The following PTPDC1 variants were observed in gnomAD, a reference collection of about 807,000 sequenced individuals.
PTPDC1 encodes protein tyrosine phosphatase domain-containing protein 1.
A neutral mutation model predicts 75.3 loss-of-function variants in PTPDC1; 53 were observed. The observed-to-expected ratio is 0.70, with a 90% CI of 0.56 to 0.88. The LOEUF is 0.88. Among genes scored for constraint, PTPDC1 ranks in the 40% least tolerant of loss-of-function variants. The pLI, the probability that PTPDC1 is intolerant of heterozygous loss-of-function variation, is 0.00. For missense variants in PTPDC1, 925 were observed against 998.6 expected (o/e 0.93, Z 0.99); for synonymous variants, 349 against 366.2 (o/e 0.95, Z 0.54).
At chr9:94,042,311 C>A (rs1825449319) in intron 1 of PTPDC1, among the ~76,000 whole-genome samples, 2 of 152,152 alleles carry the variant, frequency 1.3e-5, no homozygotes, top group South Asian at 4.1e-4. Context: ...ACTGCAGTCT[C>A]CCCATCCCCT....
chr9:94,086,820 G>A (rs1827087948), intron 2 of PTPDC1, among the ~76,000 whole-genome samples: 2 of 152,162 alleles, frequency 1.3e-5, no homozygotes, highest in African/African-American at 4.8e-5. Context: ...GTTCCAGAGA[G>A]ACCAAGTAAT....
intron 2 of PTPDC1, among the ~76,000 whole-genome samples, chr9:94,076,630 A>G (rs1010999266): frequency 6.6e-6 from 1 of 152,168 alleles, no homozygotes; most frequent in South Asian, 2.1e-4. Flanking sequence ...CTTTTTGGCT[A>G]TTATGAGTAA....
chr9:94,091,254 C>A (rs1298841500), intron 4 of PTPDC1, among the ~76,000 whole-genome samples: 1 of 151,990 alleles, frequency 6.6e-6, no homozygotes, highest in Non-Finnish European at 1.5e-5. Flanking sequence ...GAAATACGTC[C>A]CATCAATGCC....
At chr9:94,096,159 T>G (rs2118053295) in intron 5 of PTPDC1, among the ~76,000 whole-genome samples, 1 of 152,322 alleles carries the variant, frequency 6.6e-6, no homozygotes, top group South Asian at 2.1e-4. Flanking sequence ...AGGGCTGAAA[T>G]TTTCATTGTC....
At chr9:94,061,210 C>G (rs1826119556) in intron 1 of PTPDC1, among the ~76,000 whole-genome samples, 2 of 152,190 alleles carry the variant, frequency 1.3e-5, no homozygotes, top group Non-Finnish European at 2.9e-5. Context: ...CTCATTCAAC[C>G]TTAAAGCTCC....
intron 1 of PTPDC1, among the ~76,000 whole-genome samples, chr9:94,044,430 C>A (rs1393438592): frequency 6.6e-6 from 1 of 152,206 alleles, no homozygotes; most frequent in Non-Finnish European, 1.5e-5. Context: ...CCAGCATTAG[C>A]TGTTCTTCCT....
intron 1 of PTPDC1, among the ~76,000 whole-genome samples, chr9:94,045,341 T>A (rs2118426346): frequency 6.6e-6 from 1 of 152,246 alleles, no homozygotes; most frequent in South Asian, 2.1e-4. Context: ...TGATTTATAA[T>A]CCTTTGGATA....
chr9:94,099,281 T>A (rs1827747344), intron 6 of PTPDC1, among the ~76,000 whole-genome samples: 1 of 152,236 alleles, frequency 6.6e-6, no homozygotes, highest in Non-Finnish European at 1.5e-5. Context: ...TTGCCCTGAA[T>A]GAGCACCTGT....
chr9:94,078,171 C>A (rs978366686), intron 2 of PTPDC1, among the ~76,000 whole-genome samples: 1 of 152,156 alleles, frequency 6.6e-6, no homozygotes, highest in East Asian at 1.9e-4. Context: ...ATCTGAAGAA[C>A]CTCCTTTATA....
At chr9:94,071,839 TCTTTA>T (rs1049597783) in intron 2 of PTPDC1, among the ~76,000 whole-genome samples, 14 of 152,364 alleles carry the variant, frequency 9.2e-5, no homozygotes, top group South Asian at 4.1e-4. Flanking sequence ...GAGATTGCCA[TCTTTA>T]CTTTGTTGCA....
chr9:94,092,258 C>A (rs1211029181), intron 4 of PTPDC1, among the ~76,000 whole-genome samples: 2 of 144,014 alleles, frequency 1.4e-5, no homozygotes, highest in African/African-American at 2.6e-5. Context: ...GCTTTGAATG[C>A]GTCCCAGAGA....
At position 94,084,752 on chromosome 9, in the gene PTPDC1, TTTCCCCG is replaced by T; in HGVS notation, c.223_229del (p.Phe75LysfsTer8). 6.3e-7 allele frequency: 1 copy of T among 1,579,474 alleles called. No individual in the cohort carries two copies. Among genetic ancestry groups the T allele is most frequent in the Non-Finnish European group, 8.6e-7 (1 of 1,166,140 alleles). On this transcript the variant is annotated frameshift_variant, in exon 1 of 9. Transcript: ENST00000620992. LOFTEE classifies it high-confidence loss of function. ...TCAGCCATGCAGAGGGAAACCCAAC[TTTCCCCG>T]AAAGAAAAAGTAAAGGTCTCTTTCT...
At chr9:94,091,851 A>T (rs1827334947) in intron 4 of PTPDC1, among the ~76,000 whole-genome samples, 5 of 151,846 alleles carry the variant, frequency 3.3e-5, no homozygotes, top group Admixed American at 3.3e-4. Flanking sequence ...TTTCTTCTAG[A>T]TTTTCTAGTT....
chr9:94,058,857 A>G (rs2118482741), intron 1 of PTPDC1, among the ~76,000 whole-genome samples: 1 of 152,042 alleles, frequency 6.6e-6, no homozygotes, highest in South Asian at 2.1e-4. Context: ...TGGGCATGGT[A>G]GCACATGCCT....
At chr9:94,101,480 A>G (rs529555678) in intron 6 of PTPDC1, 86 bp from the exon 7 acceptor site, 1 of 1,015,336 alleles carries the variant, frequency 9.8e-7, no homozygotes, top group African/African-American at 1.6e-5. Flanking sequence ...GGGCAGCGCA[A>G]GAATCATGCA....
chr9:94,032,468 CT>C (rs1377809745), intron 1 of PTPDC1, among the ~76,000 whole-genome samples: 8 of 152,196 alleles, frequency 5.3e-5, no homozygotes, highest in African/African-American at 1.9e-4. Flanking sequence ...ATTCCATCTC[CT>C]TTTCCAGACA....
At chr9:94,049,562 A>G (rs1825722751) in intron 1 of PTPDC1, among the ~76,000 whole-genome samples, 1 of 152,180 alleles carries the variant, frequency 6.6e-6, no homozygotes, top group Non-Finnish European at 1.5e-5. Context: ...TCTGGCTTGT[A>G]GAGTTTCTGC....
intron 4 of PTPDC1, among the ~76,000 whole-genome samples, chr9:94,093,008 A>G (rs961027186): frequency 2.0e-5 from 3 of 151,760 alleles, no homozygotes; most frequent in Non-Finnish European, 4.4e-5. Context: ...TCCTGAATAC[A>G]GCACACTGAT....
At chr9:94,065,113 A>C (rs1478637621) in intron 2 of PTPDC1, among the ~76,000 whole-genome samples, 2 of 152,274 alleles carry the variant, frequency 1.3e-5, no homozygotes, top group African/African-American at 4.8e-5. Context: ...CTTATGAATC[A>C]AACTTTAATT....
Sources: allele counts gnomAD v4.1 joint callset (sites outside exome capture counted in the v4.1 genomes callset), GRCh38; gene constraint gnomAD v4.1.1; transcripts MANE v1.5; gene names NCBI Gene and HGNC (gene_info 2026-07-23, HGNC 2026-07-21).